The following CEP89 variants were observed in gnomAD, a reference collection of about 807,000 sequenced individuals.
CEP89 encodes centrosomal protein 89, also known as centrosomal protein of 89 kDa.
In CEP89, 95 loss-of-function variants were observed where a neutral mutation model predicts 97.6. The observed-to-expected ratio is 0.97, with a 90% CI of 0.82 to 1.15. The LOEUF (loss-of-function observed/expected upper bound fraction) is 1.15. Ranked by LOEUF, CEP89 falls within the 50% of genes most tolerant of loss-of-function variation. CEP89 has a pLI of 0.00. For missense variants in CEP89, 869 were observed against 947.7 expected (o/e 0.92, Z 1.09); for synonymous variants, 354 against 349.1 (o/e 1.01, Z -0.16).
intron 14 of CEP89, among the ~76,000 whole-genome samples, chr19:32,902,826 A>G (rs1412705742): frequency 6.6e-6 from 1 of 152,232 alleles, no homozygotes; most frequent in Non-Finnish European, 1.5e-5. Context: ...AACTGCGTAA[A>G]GCCTAGGAAA....
intron 2 of CEP89, among the ~76,000 whole-genome samples, chr19:32,960,975 G>C (rs1971155437): frequency 6.6e-6 from 1 of 152,154 alleles, no homozygotes; most frequent in Non-Finnish European, 1.5e-5. Flanking sequence ...CCGGAAAGGA[G>C]AGAACTGCAC....
chr19:32,918,707 T>C (rs754267650), intron 12 of CEP89, among the ~76,000 whole-genome samples: 1 of 152,086 alleles, frequency 6.6e-6, no homozygotes, highest in Non-Finnish European at 1.5e-5. Context: ...ACTATATTAT[T>C]CTGAAGCCCA....
Position 32,936,453 on chromosome 19 carries a change from C to T in CEP89, c.667+1178G>A, listed in dbSNP as rs757651931. ...TCCTGGGCAGAAGCAGGCAGGTCCC[C>T]GGTGAGGCCCCGCCTTCAGGTCGGA... is the stretch of plus-strand genomic sequence containing the variant. On this transcript the variant is annotated intron_variant, in intron 7 of 18. Transcript: ENST00000305768. This position sits in a 1 kb window ranked among gnomAD's most constrained non-coding sequence, Gnocchi z 4.5. Among the ~76,000 whole-genome samples the T allele has an allele frequency of 2.0e-4, 30 of 152,084 alleles. No individual in the cohort carries two copies. The highest frequency in any genetic ancestry group is 7.7e-4 in the East Asian group (4 of 5,172).
intron 8 of CEP89, 94 bp downstream of exon 8, chr19:32,933,357 C>G (rs150266961): frequency 8.7e-5 from 83 of 953,132 alleles, no homozygotes; most frequent in Non-Finnish European, 1.3e-4. Context: ...CATAAATTAC[C>G]AACACAAATA....
intron 11 of CEP89, among the ~76,000 whole-genome samples, chr19:32,924,011 T>G (rs1206652508): frequency 6.6e-6 from 1 of 150,464 alleles, no homozygotes; most frequent in East Asian, 1.9e-4. Flanking sequence ...GCTCTTTTTT[T>G]TTTTTTTTTT....
intron 16 of CEP89, among the ~76,000 whole-genome samples, chr19:32,893,045 C>T (rs1466409048): frequency 6.6e-6 from 1 of 151,704 alleles, no homozygotes; most frequent in Admixed American, 6.6e-5. Context: ...TCAATAGTAA[C>T]CTTGAATGTA....
intron 2 of CEP89, among the ~76,000 whole-genome samples, chr19:32,965,528 T>C (rs1314278198): frequency 2.0e-5 from 3 of 151,456 alleles, no homozygotes; most frequent in African/African-American, 4.9e-5. Context: ...AAACCCTATC[T>C]CTATAAAAAA....
intron 8 of CEP89, among the ~76,000 whole-genome samples, chr19:32,932,733 G>A (rs1970500820): frequency 6.6e-6 from 1 of 151,530 alleles, no homozygotes; most frequent in African/African-American, 2.4e-5. Context: ...GAGGCCAGGA[G>A]TTTGAGACCA....
chr19:32,934,586 A>G (rs1970542605), intron 7 of CEP89, among the ~76,000 whole-genome samples: 1 of 152,218 alleles, frequency 6.6e-6, no homozygotes, highest in Non-Finnish European at 1.5e-5. Context: ...AACCTCTGAC[A>G]CACACATATC....
At chr19:32,926,544 G>T (rs1162670921) in intron 10 of CEP89, among the ~76,000 whole-genome samples, 1 of 152,096 alleles carries the variant, frequency 6.6e-6, no homozygotes, top group Non-Finnish European at 1.5e-5. Context: ...ACCCGCACAG[G>T]CTTGACCTCC....
intron 14 of CEP89, among the ~76,000 whole-genome samples, chr19:32,911,365 G>C (rs1015551982): frequency 3.3e-5 from 5 of 152,228 alleles, no homozygotes; most frequent in African/African-American, 1.2e-4. Context: ...CAACAAAAAA[G>C]CACATGTCTG....
chr19:32,910,265 CAGAGAGAG>C (rs71336978), intron 14 of CEP89, among the ~76,000 whole-genome samples: 1 of 140,570 alleles, frequency 7.1e-6, no homozygotes, highest in Admixed American at 7.2e-5. Context: ...GACTCTGCCT[CAGAGAGAG>C]AGAGAGAGAG....
chr19:32,925,622 G>A (rs893116035), intron 11 of CEP89, among the ~76,000 whole-genome samples: 1 of 151,492 alleles, frequency 6.6e-6, no homozygotes, highest in Non-Finnish European at 1.5e-5. Context: ...CTGAGTAGCT[G>A]GAATTACAGG....
In CEP89 at chr19:32,953,799, G is replaced by T; in HGVS notation, c.308C>A (p.Pro103Gln). ...YATTSQLRPRPNWQSEMGRRS... is the reference protein window; with the variant it reads ...YATTSQLRPRQNWQSEMGRRS... ...TCTTCCCATCTCACTCTGCCAATTT[G>T]GCCTGTATTAGAATATTCATGGGGA... Residue 103 changes from proline to glutamine, a missense_variant and splice_region_variant, in exon 4 of 19, where the codon CCA becomes CAA. Transcript: ENST00000305768. 1 of 1,611,134 alleles carries T rather than the reference G, an allele frequency of 6.2e-7. No individual in the cohort carries two copies. The highest frequency in any genetic ancestry group is 8.5e-7 in the Non-Finnish European group (1 of 1,178,034).
At chr19:32,969,334 G>A (rs543604029) in intron 1 of CEP89, 2 of 152,436 alleles carry the variant, frequency 1.3e-5, no homozygotes, top group Non-Finnish European at 2.9e-5. Context: ...TGTGCTGATT[G>A]GGCCATTGGC....
At chr19:32,882,561 CAAAA>C (rs564662597) in intron 17 of CEP89, among the ~76,000 whole-genome samples, 2 of 91,528 alleles carry the variant, frequency 2.2e-5, no homozygotes, top group Admixed American at 1.2e-4. Context: ...GACCCTGTCT[CAAAA>C]AAAAAAAAAA....
At chr19:32,912,699 T>TA (rs1364150680) in intron 14 of CEP89, among the ~76,000 whole-genome samples, 44 of 152,268 alleles carry the variant, frequency 2.9e-4, no homozygotes, top group African/African-American at 9.6e-4. Flanking sequence ...TCTATGTACT[T>TA]ACAGTACATA....
chr19:32,968,131 C>A (rs1971322831), intron 1 of CEP89, among the ~76,000 whole-genome samples: 1 of 152,180 alleles, frequency 6.6e-6, no homozygotes, highest in Non-Finnish European at 1.5e-5. Flanking sequence ...CTACCCAATA[C>A]CCCCACTCTG....
At chr19:32,895,497 CCA>C in intron 16 of CEP89, among the ~76,000 whole-genome samples, 1 of 152,102 alleles carries the variant, frequency 6.6e-6, no homozygotes, top group Middle Eastern at 3.5e-3. Context: ...TATGACAAAC[CCA>C]CAGCTAACAT....
Sources: allele counts gnomAD v4.1 joint callset (sites outside exome capture counted in the v4.1 genomes callset), GRCh38; gene constraint gnomAD v4.1.1; non-coding constraint Gnocchi (gnomAD v3.1); transcripts MANE v1.5; gene names NCBI Gene and HGNC (gene_info 2026-07-23, HGNC 2026-07-21).